The following PCDHA1 variants were observed in gnomAD, a reference collection of about 807,000 sequenced individuals.
PCDHA1 encodes protocadherin alpha 1, also known as protocadherin alpha-1.
A neutral mutation model predicts 61.3 loss-of-function variants in PCDHA1; 42 were observed. That is an observed-to-expected ratio of 0.69 (90% CI 0.54 to 0.89). PCDHA1 has a LOEUF of 0.89. PCDHA1 is among the 40% of genes least tolerant of loss of function. The probability of loss-of-function intolerance (pLI) is 0.00; values close to 1 mark genes in which losing one functional copy is unlikely to be tolerated. For missense variants in PCDHA1, 1,256 were observed against 1,235.3 expected (o/e 1.02, Z -0.25); for synonymous variants, 610 against 553.8 (o/e 1.10, Z -1.43).
chr5:140,828,877 C>G (rs2150160055), intron 1 of PCDHA1: 9 of 1,614,072 alleles, frequency 5.6e-6, no homozygotes, highest in Non-Finnish European at 7.6e-6. Context: ...CAACAGTTAT[C>G]AGACTGAATG....
chr5:140,912,426 G>T (rs1349647535), intron 1 of PCDHA1, among the ~76,000 whole-genome samples: 1 of 151,784 alleles, frequency 6.6e-6, no homozygotes, highest in Non-Finnish European at 1.5e-5. Flanking sequence ...GTGTATAGCA[G>T]TGTTGCTGAT....
At chr5:140,892,980 G>A (rs568292110) in intron 1 of PCDHA1, among the ~76,000 whole-genome samples, 4 of 152,030 alleles carry the variant, frequency 2.6e-5, no homozygotes, top group Admixed American at 6.6e-5. Context: ...TGTAGCTGCC[G>A]TATAAGTGAG....
rs17844248 is a variant in PCDHA1 at position 140,796,116 on chromosome 5, T to C, written c.2394+7432T>C. The C allele has an allele frequency of 1.9e-6, 3 of 1,614,092 alleles. No individual in the cohort carries two copies. Among genetic ancestry groups the C allele is most frequent in the Non-Finnish European group, 2.5e-6 (3 of 1,180,038 alleles). Reference sequence around the variant, plus strand: ...ATCGCGACTCTGGTACGAATGGACATGTCACCTGCTCCCTGACGCCCCACG... The same window carrying C: ...ATCGCGACTCTGGTACGAATGGACACGTCACCTGCTCCCTGACGCCCCACG... On this transcript the variant is annotated intron_variant, in intron 1 of 3. Coordinates refer to ENST00000504120, the MANE Select transcript of PCDHA1 (RefSeq NM_018900.4).
intron 1 of PCDHA1, among the ~76,000 whole-genome samples, chr5:140,918,303 G>C (rs2078625601): frequency 6.6e-6 from 1 of 152,112 alleles, no homozygotes; most frequent in Non-Finnish European, 1.5e-5. Flanking sequence ...AGAATATAGG[G>C]TTTTCTAGGT....
chr5:140,985,532 G>A (rs1358120172), intron 3 of PCDHA1, among the ~76,000 whole-genome samples: 2 of 152,190 alleles, frequency 1.3e-5, no homozygotes, highest in African/African-American at 4.8e-5. Context: ...AAAGCTTCAC[G>A]GTGAAGATGC....
At chr5:140,881,507 C>A in intron 1 of PCDHA1, 1 of 231,112 alleles carries the variant, frequency 4.3e-6, no homozygotes, top group Non-Finnish European at 7.1e-6. Context: ...CACACACTCA[C>A]ATACAAAATC....
intron 1 of PCDHA1, chr5:140,863,004 GC>G (rs781788283): frequency 1.8e-6 from 1 of 551,012 alleles, no homozygotes; most frequent in Non-Finnish European, 3.6e-6. Context: ...GTGGACTCCA[GC>G]TATGACGCCT....
intron 1 of PCDHA1, among the ~76,000 whole-genome samples, chr5:140,832,012 G>A (rs2150199048): frequency 7.9e-5 from 12 of 152,234 alleles, no homozygotes; most frequent in Admixed American, 1.3e-4. Context: ...TTCATTTTAC[G>A]TAAAGATTGA....
intron 1 of PCDHA1, among the ~76,000 whole-genome samples, chr5:140,880,368 T>G (rs1372331901): frequency 6.6e-6 from 1 of 152,170 alleles, no homozygotes; most frequent in African/African-American, 2.4e-5. Context: ...ATGAAAACCA[T>G]GAGAGAATAG....
chr5:140,881,443 G>T (rs1554172114), intron 1 of PCDHA1: 1 of 818,602 alleles, frequency 1.2e-6, no homozygotes, highest in Non-Finnish European at 1.5e-6. Flanking sequence ...TATAAAAACA[G>T]AATCCAAAAC....
At chr5:140,870,430 G>C (rs782773036) in intron 1 of PCDHA1, 6 of 1,614,226 alleles carry the variant, frequency 3.7e-6, no homozygotes, top group Non-Finnish European at 5.1e-6. Context: ...GGTATCCGTG[G>C]AGGTGGCCGA....
At position 140,870,884 on chromosome 5, in the gene PCDHA1, G is replaced by T. The variant is rs376620715; in HGVS notation, c.2394+82200G>T. On this transcript the variant is annotated intron_variant, in intron 1 of 3. Coordinates refer to ENST00000504120, the MANE Select transcript of PCDHA1 (RefSeq NM_018900.4). ...GCGGGCCACGTGGTGGCGAAGGTGC[G>T]CGCAGTGGATGCGGACTCAGGCTAC... is the stretch of plus-strand genomic sequence containing the variant. The T allele has an allele frequency of 9.3e-6, 15 of 1,613,948 alleles. No individual in the cohort carries two copies. In the African/African-American group the frequency reaches 1.7e-4, roughly 19 times the overall value.
At chr5:140,809,215 A>G (rs782469870) in intron 1 of PCDHA1, 1 of 1,614,050 alleles carries the variant, frequency 6.2e-7, no homozygotes, top group South Asian at 1.1e-5. Flanking sequence ...GACAGGCGCC[A>G]AAGGCCTCCT....
chr5:140,876,850 T>A, intron 1 of PCDHA1: 1 of 1,614,012 alleles, frequency 6.2e-7, no homozygotes, highest in Non-Finnish European at 8.5e-7. Flanking sequence ...GCAGCCCGAG[T>A]ACACAGTGTT....
intron 1 of PCDHA1, among the ~76,000 whole-genome samples, chr5:140,833,634 A>G (rs2150122696): frequency 6.6e-6 from 1 of 152,310 alleles, no homozygotes; most frequent in African/African-American, 2.4e-5. Flanking sequence ...TTCCTCCTCA[A>G]AAAGTTCACA....
intron 1 of PCDHA1, chr5:140,795,062 A>G (rs782698365): frequency 8.1e-6 from 13 of 1,613,784 alleles, no homozygotes; most frequent in South Asian, 1.1e-5. Flanking sequence ...CAGCTCCGCT[A>G]CTCCGTCCCC....
At chr5:140,877,724 C>A in intron 1 of PCDHA1, 1 of 1,614,150 alleles carries the variant, frequency 6.2e-7, no homozygotes, top group Non-Finnish European at 8.5e-7. Context: ...TGGTCTTACT[C>A]GCAGCAGAGG....
At chr5:140,982,268 A>G (rs2096974621) in intron 2 of PCDHA1, 3 of 885,512 alleles carry the variant, frequency 3.4e-6, no homozygotes, top group South Asian at 2.2e-5. Flanking sequence ...TGTTCCTGGA[A>G]TAGTATAGCA....
intron 3 of PCDHA1, among the ~76,000 whole-genome samples, chr5:140,992,700 G>A (rs2097525204): frequency 6.6e-6 from 1 of 152,162 alleles, no homozygotes; most frequent in Non-Finnish European, 1.5e-5. Flanking sequence ...GGTGGGTAAT[G>A]TTCCTGCCAG....
Sources: allele counts gnomAD v4.1 joint callset (sites outside exome capture counted in the v4.1 genomes callset), GRCh38; gene constraint gnomAD v4.1.1; transcripts MANE v1.5; gene names NCBI Gene and HGNC (gene_info 2026-07-23, HGNC 2026-07-21).